Variants in DOCK8 observed in about 807,000 individuals in gnomAD.
DOCK8 encodes dedicator of cytokinesis 8, also known as dedicator of cytokinesis protein 8.
In DOCK8, 141 loss-of-function variants were observed where a neutral mutation model predicts 245.6. The observed-to-expected ratio is 0.57, with a 90% CI of 0.50 to 0.66. The LOEUF is 0.66. Ranked by LOEUF, DOCK8 falls within the 30% of genes least tolerant of loss-of-function variation. The probability of loss-of-function intolerance (pLI) is 0.00; values close to 1 mark genes in which losing one functional copy is unlikely to be tolerated. For missense variants in DOCK8, 2,965 were observed against 2,603.4 expected, an observed-to-expected ratio of 1.14 and a Z score of -3.02; for synonymous variants, 1,168 against 970.2, an observed-to-expected ratio of 1.20 and a Z score of -3.79.
intron 29 of DOCK8, among the ~76,000 whole-genome samples, chr9:415,911 T>G (rs2055983128): frequency 6.6e-6 from 1 of 152,224 alleles, no homozygotes; most frequent in Admixed American, 6.5e-5. Flanking sequence ...AAGTGTCATG[T>G]GTGACTAAAT....
At chr9:444,766 T>C (rs936740078) in intron 43 of DOCK8, among the ~76,000 whole-genome samples, 2 of 152,254 alleles carry the variant, frequency 1.3e-5, no homozygotes, top group African/African-American at 2.4e-5. Context: ...TAAGTGTTTC[T>C]AAAGCTCTGT....
At chr9:425,445 T>C (rs1025456808) in intron 33 of DOCK8, among the ~76,000 whole-genome samples, 4 of 147,234 alleles carry the variant, frequency 2.7e-5, no homozygotes, top group African/African-American at 5.1e-5. Flanking sequence ...AGCAGGAGAA[T>C]GGCGTGAACC....
intron 1 of DOCK8, among the ~76,000 whole-genome samples, chr9:266,867 G>T (rs986113104): frequency 6.6e-6 from 1 of 152,034 alleles, no homozygotes; most frequent in Non-Finnish European, 1.5e-5. Context: ...ATATTATCAT[G>T]ATATAAATCT....
intron 31 of DOCK8, 125 bp downstream of exon 31, chr9:420,708 T>A (rs1036812679): frequency 7.5e-7 from 1 of 1,328,842 alleles, no homozygotes; most frequent in African/African-American, 1.5e-5. Context: ...TGTATTCAAA[T>A]CCATAACCCA....
intron 1 of DOCK8, among the ~76,000 whole-genome samples, chr9:237,224 C>T (rs2047273323): frequency 6.6e-6 from 1 of 152,216 alleles, no homozygotes; most frequent in Non-Finnish European, 1.5e-5. Context: ...GATGTGGGAG[C>T]TGCAAGGAAA....
intron 3 of DOCK8, among the ~76,000 whole-genome samples, chr9:288,348 C>T (rs964120469): frequency 9.9e-5 from 15 of 152,134 alleles, no homozygotes; most frequent in African/African-American, 3.4e-4. Context: ...AACATGAACG[C>T]TACAGGTGAG....
intron 1 of DOCK8, among the ~76,000 whole-genome samples, chr9:249,257 C>G (rs2047589671): frequency 6.6e-6 from 1 of 151,870 alleles, no homozygotes; most frequent in Admixed American, 6.6e-5. Context: ...TCCCAAGGTG[C>G]CACGCCCAGT....
At chr9:226,938 C>T (rs558908150) in intron 1 of DOCK8, among the ~76,000 whole-genome samples, 26 of 151,950 alleles carry the variant, frequency 1.7e-4, no homozygotes, top group African/African-American at 4.4e-4. Flanking sequence ...AAGCTATATG[C>T]GTAATATGGT....
chr9:325,651 T>C lies in DOCK8; in HGVS notation c.828-20T>C, dbSNP rs1193553986. On this transcript the variant is annotated intron_variant, in intron 7 of 47. Coordinates refer to ENST00000432829, the MANE Select transcript of DOCK8 (RefSeq NM_203447.4). ...TATCTAACTCAAAGCCACATAGATT[T>C]TCCTCTCTTTCTATGGTAGGTTCGA... The C allele has an allele frequency of 5.0e-6, 8 of 1,609,728 alleles. No homozygotes were observed. The East Asian group carries it at 1.8e-4, about 36-fold the overall frequency.
At position 340,422 on chromosome 9, in the gene DOCK8, A is replaced by T. The variant is rs2051526937; in HGVS notation, c.1679+101A>T. On this transcript the variant is annotated intron_variant, in intron 14 of 47. Coordinates refer to ENST00000432829, the MANE Select transcript of DOCK8 (RefSeq NM_203447.4). ...GATTGCTTGAGCTCAGGAGTTTGAG[A>T]CCAGCCTTGGCAACATGGCAAAACC... The T allele has an allele frequency of 3.4e-6, 5 of 1,485,570 alleles. No individual in the cohort carries two copies. The East Asian group carries it at 1.2e-4, about 35-fold the overall frequency. 92.0% of individuals were successfully genotyped at this position (1,485,570 alleles called of 1,614,324 possible). A position where few individuals can be genotyped will look rare whatever the true frequency, so the allele number is the denominator to read the frequency against.
At chr9:451,955 GTATATATA>G (rs564265852) in intron 45 of DOCK8, 48 bp from the exon 46 acceptor site, 8 of 362,578 alleles carry the variant, frequency 2.2e-5, no homozygotes, top group South Asian at 3.5e-5. Flanking sequence ...GTGTGTGTGT[GTATATATA>G]TATATATATA....
chr9:441,516 C>T (rs1050764093), intron 41 of DOCK8, 99 bp downstream of exon 41: 5 of 1,566,290 alleles, frequency 3.2e-6, no homozygotes, highest in Middle Eastern at 2.1e-4. Context: ...AGTGATTTAT[C>T]TTTAGCACAT....
At chr9:300,081 A>G (rs1007372329) in intron 4 of DOCK8, among the ~76,000 whole-genome samples, 2 of 151,648 alleles carry the variant, frequency 1.3e-5, no homozygotes, top group African/African-American at 4.8e-5. Flanking sequence ...TCACCAAGCT[A>G]GTCTTATCTC....
At chr9:378,827 A>G (rs888929523) in intron 20 of DOCK8, among the ~76,000 whole-genome samples, 20 of 152,260 alleles carry the variant, frequency 1.3e-4, no homozygotes, top group African/African-American at 4.6e-4. Context: ...TGGAAAGCAC[A>G]GTGGGGGCAC....
intron 5 of DOCK8, among the ~76,000 whole-genome samples, chr9:305,423 C>T (rs1480186315): frequency 2.0e-5 from 3 of 151,616 alleles, no homozygotes; most frequent in African/African-American, 4.9e-5. Context: ...GCTGGGACTA[C>T]AGGCTCCCGC....
chr9:400,233 C>CATCACCACCACCTCCACT (rs2054791460), intron 26 of DOCK8, among the ~76,000 whole-genome samples: 1 of 102,296 alleles, frequency 9.8e-6, no homozygotes, highest in African/African-American at 4.0e-5. Flanking sequence ...CCACCTCCAC[C>CATCACCACCACCTCCACT]ATCACCACCA....
intron 4 of DOCK8, among the ~76,000 whole-genome samples, chr9:300,899 A>C (rs748177092): frequency 3.9e-5 from 6 of 152,188 alleles, no homozygotes; most frequent in Non-Finnish European, 5.9e-5. Context: ...TTCACAGCCA[A>C]ATTATACCAG....
At chr9:409,545 ATG>A (rs2055611675) in intron 28 of DOCK8, among the ~76,000 whole-genome samples, 1 of 152,134 alleles carries the variant, frequency 6.6e-6, no homozygotes, top group African/African-American at 2.4e-5. Flanking sequence ...AAAGAAAAAA[ATG>A]TATATATATG....
intron 30 of DOCK8, among the ~76,000 whole-genome samples, chr9:419,613 T>C (rs1447900275): frequency 1.3e-5 from 2 of 152,162 alleles, no homozygotes; most frequent in African/African-American, 4.8e-5. Flanking sequence ...AACATTTCCC[T>C]CCCATACCCA....
Sources: gnomAD v4.1 joint callset for allele counts (sites outside exome capture counted in the v4.1 genomes callset) on GRCh38, gnomAD v4.1.1 for gene constraint, MANE v1.5 for transcripts, NCBI Gene and HGNC (gene_info 2026-07-23, HGNC 2026-07-21) for gene names.